The following RNF6 variants were observed in gnomAD, a reference collection of about 807,000 sequenced individuals.
RNF6 encodes ring finger protein 6, also known as E3 ubiquitin-protein ligase RNF6.
Under a neutral mutation model 50.1 loss-of-function variants are expected in RNF6, and 21 were observed. The ratio of observed to expected loss-of-function variants is 0.42; its 90% CI spans 0.30 to 0.60. RNF6 has a LOEUF of 0.60. Ranked by LOEUF, RNF6 falls within the 20% of genes least tolerant of loss-of-function variation. RNF6 has a pLI of 0.20. For synonymous variants in RNF6, 255 were observed against 291.8 expected, an observed-to-expected ratio of 0.87 and a Z score of 1.29; for missense variants, 698 against 838.2, an observed-to-expected ratio of 0.83 and a Z score of 2.07.
At chr13:26,207,986 A>G (rs1342678906), downstream of RNF6, among the ~76,000 whole-genome samples, 1 of 152,220 alleles carries the variant, frequency 6.6e-6, no homozygotes, top group Non-Finnish European at 1.5e-5. Flanking sequence ...CAGTCCAAAT[A>G]TGCTGAATTT....
intron 5 of RNF6, among the ~76,000 whole-genome samples, chr13:26,157,046 T>A (rs1351684793): frequency 1.3e-5 from 2 of 151,756 alleles, no homozygotes; most frequent in Non-Finnish European, 2.9e-5. Flanking sequence ...AGGGTTGGGG[T>A]GTTGAGGGAA....
At chr13:26,191,539 C>T (rs986758724) in intron 5 of RNF6, among the ~76,000 whole-genome samples, 1 of 152,102 alleles carries the variant, frequency 6.6e-6, no homozygotes, top group African/African-American at 2.4e-5. Flanking sequence ...GGGGCAGTTT[C>T]CCTCATGCTG....
At position 26,161,119 on chromosome 13, in the gene RNF6, T is replaced by C. The variant is rs187594945; in HGVS notation, n.769-28668A>G. Among the ~76,000 whole-genome samples, 280 of 152,308 alleles carry C rather than the reference T, an allele frequency of 1.8e-3. 1 individual carries two copies. Among genetic ancestry groups the C allele is most frequent in the Non-Finnish European group, 2.3e-3 (157 of 68,026 alleles). ...CTCTCTGATTTGAAATGTCATTTTA[T>C]TAATTTTAAATCTCATAATAAAAGT... On this transcript the variant is annotated intron_variant and non_coding_transcript_variant, in intron 5 of 5. Transcript: ENST00000468480.
At chr13:26,196,640 T>A (rs1415639647) in intron 5 of RNF6, among the ~76,000 whole-genome samples, 2 of 151,206 alleles carry the variant, frequency 1.3e-5, no homozygotes, top group Admixed American at 6.6e-5. Context: ...CTCCAAAAAA[T>A]AAATAAATAA....
chr13:26,199,449 G>A (rs1283905508), intron 5 of RNF6, among the ~76,000 whole-genome samples: 3 of 152,028 alleles, frequency 2.0e-5, no homozygotes, highest in African/African-American at 7.2e-5. Flanking sequence ...ACTGAAGAAA[G>A]TCTTTGTGAT....
intron 5 of RNF6, among the ~76,000 whole-genome samples, chr13:26,188,087 C>G (rs1873642345): frequency 1.3e-5 from 2 of 152,198 alleles, no homozygotes; most frequent in Admixed American, 6.5e-5. Context: ...TCTAGGAATT[C>G]TAGAGAGTGT....
At chr13:26,173,538 A>G (rs965635743) in intron 5 of RNF6, among the ~76,000 whole-genome samples, 6 of 152,182 alleles carry the variant, frequency 3.9e-5, no homozygotes, top group Admixed American at 6.5e-5. Flanking sequence ...TTATGGATAG[A>G]TAGATATAAA....
At chr13:26,138,489 T>C (rs966473403) in intron 5 of RNF6, among the ~76,000 whole-genome samples, 20 of 152,292 alleles carry the variant, frequency 1.3e-4, no homozygotes, top group African/African-American at 4.6e-4. Flanking sequence ...TTGTAACTCC[T>C]TGTTTTCTCC....
chr13:26,197,286 G>C (rs1213863369), intron 5 of RNF6, among the ~76,000 whole-genome samples: 1 of 151,898 alleles, frequency 6.6e-6, no homozygotes, highest in Admixed American at 6.6e-5. Flanking sequence ...CCCTTTCCTA[G>C]AGTATTTACC....
At chr13:26,191,846 G>A (rs184990729) in intron 5 of RNF6, among the ~76,000 whole-genome samples, 114 of 152,312 alleles carry the variant, frequency 7.5e-4, no homozygotes, top group African/African-American at 2.2e-3. Context: ...TAGGGAACAG[G>A]AGTTTACAAT....
rs1163881143 is a variant in RNF6 at position 26,188,623 on chromosome 13, C to CTTTTTTTTTTTTTTT, written n.768+26836_768+26850dup. Among the ~76,000 whole-genome samples the CTTTTTTTTTTTTTTT allele has an allele frequency of 5.5e-4, 24 of 43,272 alleles. 4 individuals are homozygous for CTTTTTTTTTTTTTTT. The highest frequency in any genetic ancestry group is 1.7e-3 in the African/African-American group (16 of 9,168). The allele number at this position is 43,272 out of a possible 152,430, so 28.4% of individuals were successfully genotyped here. On this transcript the variant is annotated intron_variant and non_coding_transcript_variant, in intron 5 of 5. Transcript: ENST00000468480. ...GCTTTAGTTGGACAAGTCAAAAGAG[C>CTTTTTTTTTTTTTTT]TTTTTTTTTTTTTTTTTTTTTTTTT...
rs9581560 is a variant in RNF6 at position 26,147,097 on chromosome 13, A to C, written n.769-14646T>G. Among the ~76,000 whole-genome samples, 1,495 of 152,292 alleles carry C rather than the reference A, an allele frequency of 9.8e-3. 31 individuals carry two copies. The highest frequency in any genetic ancestry group is 0.034 in the African/African-American group (1,427 of 41,564). On this transcript the variant is annotated intron_variant and non_coding_transcript_variant, in intron 5 of 5. Transcript: ENST00000468480. ...AATGGACTAATACAGGGCCCATATC[A>C]ATCAATTCAGCCTGATTCAACTTTA... is the stretch of plus-strand genomic sequence containing the variant.
intron 5 of RNF6, among the ~76,000 whole-genome samples, chr13:26,146,810 C>T (rs1871272181): frequency 6.6e-6 from 1 of 152,130 alleles, no homozygotes; most frequent in African/African-American, 2.4e-5. Context: ...TGCCCACACC[C>T]AAATCTCATG....
At chr13:26,201,192 G>A (rs1472204141) in intron 5 of RNF6, among the ~76,000 whole-genome samples, 1 of 152,154 alleles carries the variant, frequency 6.6e-6, no homozygotes, top group African/African-American at 2.4e-5. Context: ...AGCAAATTAT[G>A]TAGCCAACTG....
At position 26,214,071 on chromosome 13, in the gene RNF6, C is replaced by T. The variant is rs147053331; in HGVS notation, c.1811G>A (p.Arg604His). 87 of 1,614,160 alleles carry T rather than the reference C, an allele frequency of 5.4e-5. No individual in the cohort carries two copies. The East Asian group carries it at 6.2e-4, about 12-fold the overall frequency. Residue 604 changes from arginine (R) to histidine (H), a missense_variant, in exon 5 of 5, where the codon CGT (arginine) becomes CAT (histidine). Physicochemically the swap from Arg to His is conservative, Grantham distance 29. Transcript: ENST00000381588. ...GTCAATCTGCTCTTTGGTTAAACCA[C>T]GTATTCGATCATCATCATCACTTTC... ...LNESDDDDRIRGLTKEQIDNL... is the reference protein window; with the variant it reads ...LNESDDDDRIHGLTKEQIDNL...
downstream of RNF6, among the ~76,000 whole-genome samples, chr13:26,209,438 C>A (rs557443189): frequency 1.3e-5 from 2 of 152,336 alleles, no homozygotes; most frequent in South Asian, 4.1e-4. Flanking sequence ...CAATGTATGG[C>A]ACTTCTTTCC....
chr13:26,199,084 C>CA, intron 5 of RNF6, among the ~76,000 whole-genome samples: 1 of 151,844 alleles, frequency 6.6e-6, no homozygotes, highest in East Asian at 1.9e-4. Context: ...CAATCCCACT[C>CA]AAAATCCCAA....
chr13:26,172,038 A>G (rs1017396092), intron 5 of RNF6, among the ~76,000 whole-genome samples: 1 of 152,232 alleles, frequency 6.6e-6, no homozygotes, highest in African/African-American at 2.4e-5. Flanking sequence ...TAAATAGTAT[A>G]TTTTAAAATG....
At chr13:26,208,350 T>G (rs1465616538), downstream of RNF6, among the ~76,000 whole-genome samples, 17 of 152,136 alleles carry the variant, frequency 1.1e-4, no homozygotes, top group Admixed American at 1.1e-3. Context: ...CCCAGTAAAA[T>G]TTTGGGCACT....
Sources: gnomAD v4.1 joint callset for allele counts (sites outside exome capture counted in the v4.1 genomes callset) on GRCh38, gnomAD v4.1.1 for gene constraint, MANE v1.5 for transcripts, NCBI Gene and HGNC (gene_info 2026-07-23, HGNC 2026-07-21) for gene names.